Variants in PTK2 observed in about 807,000 individuals in gnomAD.
The protein encoded by PTK2 is protein tyrosine kinase 2.
In PTK2, 45 loss-of-function variants were observed where a neutral mutation model predicts 150.1. That is an observed-to-expected ratio of 0.30 (90% CI 0.24 to 0.38). The LOEUF (loss-of-function observed/expected upper bound fraction) is 0.38. Among genes scored for constraint, PTK2 ranks in the 10% least tolerant of loss-of-function variants. PTK2 has a pLI of 1.00. For missense variants in PTK2, 919 were observed against 1,307.3 expected (o/e 0.70, Z 4.58); for synonymous variants, 432 against 449.2 (o/e 0.96, Z 0.48).
At chr8:140,760,659 A>G (rs1387083941) in intron 16 of PTK2, among the ~76,000 whole-genome samples, 2 of 152,198 alleles carry the variant, frequency 1.3e-5, no homozygotes, top group Non-Finnish European at 2.9e-5. Flanking sequence ...CAGTGGTGAT[A>G]GCTGCACAAC....
chr8:140,684,572 T>C (rs1038702237), intron 27 of PTK2, among the ~76,000 whole-genome samples: 6 of 152,244 alleles, frequency 3.9e-5, no homozygotes, highest in Middle Eastern at 3.4e-3. Context: ...ACCAACAACA[T>C]CCAGTTGAGT....
intron 7 of PTK2, among the ~76,000 whole-genome samples, chr8:140,833,643 C>A (rs984368044): frequency 6.6e-6 from 1 of 152,084 alleles, no homozygotes; most frequent in East Asian, 1.9e-4. Flanking sequence ...CTTCTTTGAG[C>A]CCAAACTCTA....
intron 3 of PTK2, among the ~76,000 whole-genome samples, chr8:140,881,134 CAG>C (rs537312837): frequency 8.1e-4 from 124 of 152,314 alleles, no homozygotes; most frequent in African/African-American, 2.8e-3. Context: ...GTGGAACTGA[CAG>C]AGGCATAAAA....
intron 7 of PTK2, among the ~76,000 whole-genome samples, chr8:140,840,551 T>C (rs1205621344): frequency 1.3e-5 from 2 of 152,166 alleles, no homozygotes; most frequent in Non-Finnish European, 2.9e-5. Flanking sequence ...AAGAGAGGGT[T>C]AGATAAGTTT....
chr8:140,967,738 G>A (rs1465379590), intron 1 of PTK2, among the ~76,000 whole-genome samples: 6 of 152,034 alleles, frequency 3.9e-5, no homozygotes, highest in African/African-American at 9.7e-5. Context: ...GATTACAGAC[G>A]TGAGCCACCG....
At chr8:140,730,014 A>ATT (rs1270056872) in intron 22 of PTK2, among the ~76,000 whole-genome samples, 6 of 152,254 alleles carry the variant, frequency 3.9e-5, no homozygotes, top group African/African-American at 1.4e-4. Flanking sequence ...CTCTATAACT[A>ATT]CTAGTTATTT....
At chr8:140,931,161 AC>A (rs936571471) in intron 1 of PTK2, among the ~76,000 whole-genome samples, 3 of 151,012 alleles carry the variant, frequency 2.0e-5, no homozygotes, top group African/African-American at 7.3e-5. Flanking sequence ...CATAAACATC[AC>A]CCCCCCTTCA....
At chr8:140,878,132 CT>C (rs930455906) in intron 4 of PTK2, among the ~76,000 whole-genome samples, 19 of 152,294 alleles carry the variant, frequency 1.2e-4, no homozygotes, top group African/African-American at 4.6e-4. Context: ...TGCTCACTTG[CT>C]TAATTGACTA....
At chr8:140,823,617 T>C (rs901558125) in intron 8 of PTK2, among the ~76,000 whole-genome samples, 2 of 152,146 alleles carry the variant, frequency 1.3e-5, no homozygotes, top group Admixed American at 1.3e-4. Context: ...CCCTAACATA[T>C]ACATCTAACT....
intron 1 of PTK2, among the ~76,000 whole-genome samples, chr8:140,967,461 C>CTTTCTTT (rs1336232592): frequency 8.2e-6 from 1 of 121,544 alleles, no homozygotes; most frequent in African/African-American, 3.0e-5. Flanking sequence ...TTCTTTCTTT[C>CTTTCTTT]TTTTTTTTTT....
chr8:140,975,278 C>T (rs946283656), intron 1 of PTK2, among the ~76,000 whole-genome samples: 1 of 152,090 alleles, frequency 6.6e-6, no homozygotes. Context: ...TCCAGTCATC[C>T]TCCTACCATC....
At chr8:140,706,007 G>T in intron 24 of PTK2, 112 bp downstream of exon 27, 1 of 821,824 alleles carries the variant, frequency 1.2e-6, no homozygotes, top group Non-Finnish European at 1.9e-6. Context: ...GCTTTCTATC[G>T]GCCAAATCAT....
chr8:140,933,848 C>T (rs976347696), intron 1 of PTK2, among the ~76,000 whole-genome samples: 4 of 151,348 alleles, frequency 2.6e-5, no homozygotes, highest in East Asian at 1.9e-4. Flanking sequence ...GAGAATTATA[C>T]GTCAATTTAA....
At chr8:140,721,626 G>GATTA (rs2100042986) in intron 22 of PTK2, 1 of 152,038 alleles carries the variant, frequency 6.6e-6, no homozygotes, top group South Asian at 2.1e-4. Flanking sequence ...AAAGTGAAGT[G>GATTA]ATTAATCTCG....
At chr8:140,762,755 T>C (rs979510054) in intron 15 of PTK2, among the ~76,000 whole-genome samples, 1 of 152,074 alleles carries the variant, frequency 6.6e-6, no homozygotes, top group Non-Finnish European at 1.5e-5. Context: ...ATTAAAAAAG[T>C]AAACAAGTGT....
chr8:140,778,498 A>T (rs1195342346), intron 14 of PTK2, among the ~76,000 whole-genome samples: 1 of 152,232 alleles, frequency 6.6e-6, no homozygotes, highest in Non-Finnish European at 1.5e-5. Flanking sequence ...ATCTATTGTG[A>T]GATCAAGGCA....
intron 8 of PTK2, among the ~76,000 whole-genome samples, chr8:140,822,777 G>A (rs1021582597): frequency 1.3e-5 from 2 of 152,184 alleles, no homozygotes; most frequent in Non-Finnish European, 2.9e-5. Context: ...AGTATAGCCC[G>A]CAGCTGAAAC....
intron 5 of PTK2, among the ~76,000 whole-genome samples, chr8:140,849,891 A>G (rs1359002229): frequency 6.6e-6 from 1 of 152,208 alleles, no homozygotes; most frequent in Non-Finnish European, 1.5e-5. Context: ...TGTACCTACT[A>G]CTTGTCAACT....
At chr8:140,697,456 T>TGTG (rs1564589217) in intron 26 of PTK2, among the ~76,000 whole-genome samples, 1 of 141,502 alleles carries the variant, frequency 7.1e-6, no homozygotes, top group African/African-American at 2.7e-5. Context: ...GTGTGTGTGT[T>TGTG]TTTAAACGGA....
Sources: gnomAD v4.1 joint callset for allele counts (sites outside exome capture counted in the v4.1 genomes callset) on GRCh38, gnomAD v4.1.1 for gene constraint, MANE v1.5 for transcripts, NCBI Gene and HGNC (gene_info 2026-07-23, HGNC 2026-07-21) for gene names.